The following NBEA variants were observed in gnomAD, a reference collection of about 807,000 sequenced individuals.
The protein encoded by NBEA is lysosomal-trafficking regulator 2.
NBEA carries 44 observed loss-of-function variants against 343.4 expected under a neutral mutation model. That is an observed-to-expected ratio of 0.13 (90% CI 0.10 to 0.16). The LOEUF (loss-of-function observed/expected upper bound fraction) is 0.16. Among genes scored for constraint, NBEA ranks in the 10% least tolerant of loss-of-function variants. The pLI is 1.00. For synonymous variants in NBEA, 1,175 were observed against 1,238.7 expected (o/e 0.95, Z 1.08); for missense variants, 2,555 against 3,631.3 (o/e 0.70, Z 7.62).
intron 10 of NBEA, among the ~76,000 whole-genome samples, chr13:35,087,482 A>T (rs2064836090): frequency 6.6e-6 from 1 of 152,036 alleles, no homozygotes; most frequent in Middle Eastern, 3.4e-3. Context: ...TAACATCATC[A>T]TACAGCTTTT....
intron 2 of NBEA, among the ~76,000 whole-genome samples, chr13:35,041,494 A>G (rs984277254): frequency 6.6e-5 from 10 of 151,998 alleles, no homozygotes; most frequent in African/African-American, 9.7e-5. Context: ...TTAAAATACC[A>G]CAATAGGTAT....
At chr13:35,119,353 A>G (rs562761061) in intron 16 of NBEA, among the ~76,000 whole-genome samples, 17 of 152,142 alleles carry the variant, frequency 1.1e-4, no homozygotes, top group Non-Finnish European at 1.9e-4. Context: ...GAAATAATAT[A>G]TCAGTGACTG....
At chr13:35,285,276 A>G (rs1268569727) in intron 34 of NBEA, among the ~76,000 whole-genome samples, 1 of 152,110 alleles carries the variant, frequency 6.6e-6, no homozygotes, top group African/African-American at 2.4e-5. Context: ...GAAAATTACA[A>G]AAATTATCCA....
chr13:35,010,045 C>T (rs1190942878), intron 1 of NBEA, among the ~76,000 whole-genome samples: 1 of 151,762 alleles, frequency 6.6e-6, no homozygotes, highest in Non-Finnish European at 1.5e-5. Flanking sequence ...TGTTCTTGGC[C>T]CTGTTCAGTT....
intron 29 of NBEA, among the ~76,000 whole-genome samples, chr13:35,183,687 A>G (rs1317595093): frequency 1.3e-5 from 2 of 152,020 alleles, no homozygotes; most frequent in African/African-American, 2.4e-5. Flanking sequence ...TTCATTTTTA[A>G]TGCTTTTATA....
chr13:35,021,850 G>C (rs1462088664), intron 1 of NBEA, among the ~76,000 whole-genome samples: 2 of 152,042 alleles, frequency 1.3e-5, no homozygotes, highest in Non-Finnish European at 2.9e-5. Context: ...TTTTACTTTA[G>C]ATAGTTATGT....
At chr13:34,953,296 C>A (rs2059401236) in intron 1 of NBEA, among the ~76,000 whole-genome samples, 1 of 152,130 alleles carries the variant, frequency 6.6e-6, no homozygotes, top group African/African-American at 2.4e-5. Flanking sequence ...TATACTAATT[C>A]TTTATAACTT....
At chr13:35,021,847 T>C (rs1450504394) in intron 1 of NBEA, among the ~76,000 whole-genome samples, 1 of 152,162 alleles carries the variant, frequency 6.6e-6, no homozygotes, top group Non-Finnish European at 1.5e-5. Context: ...TATTTTTACT[T>C]TAGATAGTTA....
At chr13:35,479,365 C>A (rs149464208) in intron 41 of NBEA, among the ~76,000 whole-genome samples, 7 of 152,292 alleles carry the variant, frequency 4.6e-5, no homozygotes, top group African/African-American at 1.7e-4. Flanking sequence ...TTCTATTACA[C>A]TGAACACGTG....
chr13:35,512,108 T>A (rs907120744), intron 41 of NBEA, among the ~76,000 whole-genome samples: 27 of 152,220 alleles, frequency 1.8e-4, no homozygotes, highest in African/African-American at 6.5e-4. Flanking sequence ...CTCACCCGTC[T>A]TGAACTGTCA....
At chr13:35,003,247 G>A (rs1335958362) in intron 1 of NBEA, among the ~76,000 whole-genome samples, 2 of 152,130 alleles carry the variant, frequency 1.3e-5, no homozygotes, top group Non-Finnish European at 2.9e-5. Context: ...CCTGTGTGCT[G>A]GTGTGTGCCT....
At chr13:35,368,359 C>A (rs2041244254) in intron 38 of NBEA, among the ~76,000 whole-genome samples, 1 of 151,438 alleles carries the variant, frequency 6.6e-6, no homozygotes, top group South Asian at 2.1e-4. Context: ...ACTCCTGTCT[C>A]AGCCTTTTTG....
rs960289192 is a variant in NBEA, at chr13:35,475,623, C to A, written c.6585+3087C>A. ...GCCAGATCCCGGTGCATTTAAAGGC[C>A]GGCGTGATCTGCACCACGTACCTAT... On this transcript the variant is annotated intron_variant, in intron 41 of 58. Transcript: ENST00000379939. 4 of 1,613,646 alleles carry A rather than the reference C, an allele frequency of 2.5e-6. No homozygotes were observed. The South Asian group carries it at 3.3e-5, about 13-fold the overall frequency.
chr13:35,351,935 T>C (rs976221530), intron 37 of NBEA, among the ~76,000 whole-genome samples: 3 of 152,142 alleles, frequency 2.0e-5, no homozygotes, highest in South Asian at 2.1e-4. Context: ...AGTCTTTAAT[T>C]ACTTCAATAT....
At chr13:35,282,902 A>G (rs1471210257) in intron 34 of NBEA, among the ~76,000 whole-genome samples, 1 of 152,146 alleles carries the variant, frequency 6.6e-6, no homozygotes, top group East Asian at 1.9e-4. Context: ...AAAGATCCTT[A>G]TAGATAGTGC....
At chr13:35,163,493 C>T (rs182014126) in intron 23 of NBEA, among the ~76,000 whole-genome samples, 44 of 151,840 alleles carry the variant, frequency 2.9e-4, no homozygotes, top group Admixed American at 2.1e-3. Flanking sequence ...ATTAACTAGG[C>T]GTGGTGGTGT....
intron 49 of NBEA, among the ~76,000 whole-genome samples, chr13:35,629,647 G>T (rs2083372025): frequency 6.6e-6 from 1 of 152,174 alleles, no homozygotes; most frequent in Admixed American, 6.5e-5. Context: ...TTATGAAATG[G>T]CTGGTGAAAT....
chr13:35,467,262 A>G (rs1372075676), intron 40 of NBEA, among the ~76,000 whole-genome samples: 1 of 152,146 alleles, frequency 6.6e-6, no homozygotes, highest in African/African-American at 2.4e-5. Context: ...TCACAAGGTC[A>G]GGAGTTCAAG....
intron 55 of NBEA, among the ~76,000 whole-genome samples, chr13:35,659,328 G>A (rs1387254204): frequency 1.3e-5 from 2 of 152,118 alleles, no homozygotes; most frequent in Non-Finnish European, 2.9e-5. Context: ...TGAAATGATA[G>A]GATTTATCAT....
Sources: gnomAD v4.1 joint callset for allele counts (sites outside exome capture counted in the v4.1 genomes callset) on GRCh38, gnomAD v4.1.1 for gene constraint, MANE v1.5 for transcripts, NCBI Gene and HGNC (gene_info 2026-07-23, HGNC 2026-07-21) for gene names.